CACNA2D3: variants seen among roughly 807,000 people sequenced by gnomAD.
CACNA2D3 encodes voltage-dependent calcium channel subunit alpha-2/delta-3.
Under a neutral mutation model 160.6 loss-of-function variants are expected in CACNA2D3, and 60 were observed. That is an observed-to-expected ratio of 0.37 (90% CI 0.30 to 0.46). The LOEUF is 0.46. Among genes scored for constraint, CACNA2D3 ranks in the 20% least tolerant of loss-of-function variants. The pLI is 1.00. For missense variants in CACNA2D3, 1,205 were observed against 1,365.0 expected, an observed-to-expected ratio of 0.88 and a Z score of 1.85; for synonymous variants, 558 against 492.9, an observed-to-expected ratio of 1.13 and a Z score of -1.75.
At chr3:54,795,969 G>T (rs1055088680) in intron 13 of CACNA2D3, among the ~76,000 whole-genome samples, 8 of 152,190 alleles carry the variant, frequency 5.3e-5, no homozygotes, top group Non-Finnish European at 1.0e-4. Context: ...CCCAGACTTG[G>T]GGGCTGGGGA....
chr3:54,515,115 T>G (rs1701526707), intron 5 of CACNA2D3, among the ~76,000 whole-genome samples: 1 of 150,922 alleles, frequency 6.6e-6, no homozygotes, highest in Non-Finnish European at 1.5e-5. Flanking sequence ...GTCCCAAAGG[T>G]GCCCAGCAAG....
intron 14 of CACNA2D3, among the ~76,000 whole-genome samples, chr3:54,817,360 A>T (rs989159519): frequency 3.3e-5 from 5 of 152,168 alleles, no homozygotes; most frequent in African/African-American, 1.2e-4. Context: ...AGACCATTAG[A>T]GCAGATTTCT....
At chr3:54,878,151 CA>C (rs970346285) in intron 18 of CACNA2D3, among the ~76,000 whole-genome samples, 3 of 151,950 alleles carry the variant, frequency 2.0e-5, no homozygotes, top group African/African-American at 7.3e-5. Context: ...TTCTATCGGC[CA>C]GATCTTACTC....
chr3:54,251,529 A>G lies in CACNA2D3; in HGVS notation c.205-68913A>G, dbSNP rs372748428. Among the ~76,000 whole-genome samples the G allele has an allele frequency of 1.7e-3, 254 of 152,346 alleles. 1 individual carries two copies. The highest frequency in any genetic ancestry group is 5.5e-3 in the African/African-American group (228 of 41,584). On this transcript the variant is annotated intron_variant, in intron 2 of 37. Coordinates refer to ENST00000474759, the MANE Select transcript of CACNA2D3 (RefSeq NM_018398.3). ...CTGCCACTGTTTTTTGAGGATCTGC[A>G]GACGGTGGCATTGTAGTGAGTGAGA...
chr3:54,125,316 C>T (rs529944405), intron 2 of CACNA2D3, among the ~76,000 whole-genome samples: 1 of 152,008 alleles, frequency 6.6e-6, no homozygotes, highest in East Asian at 1.9e-4. Flanking sequence ...TACTCTATAA[C>T]AGCAAATTGG....
chr3:54,774,523 T>C (rs1219276348), intron 13 of CACNA2D3, among the ~76,000 whole-genome samples: 1 of 151,966 alleles, frequency 6.6e-6, no homozygotes, highest in Non-Finnish European at 1.5e-5. Context: ...AGCAGGCCAC[T>C]TCTCCAACAC....
intron 11 of CACNA2D3, among the ~76,000 whole-genome samples, chr3:54,667,515 A>G (rs1049045181): frequency 5.9e-5 from 9 of 152,094 alleles, no homozygotes; most frequent in Non-Finnish European, 1.2e-4. Context: ...CCCTACCATC[A>G]CTCAAGCCAG....
At chr3:54,542,389 T>A (rs1225681966) in intron 5 of CACNA2D3, among the ~76,000 whole-genome samples, 1 of 152,054 alleles carries the variant, frequency 6.6e-6, no homozygotes, top group East Asian at 1.9e-4. Flanking sequence ...GAGAATTAAC[T>A]CACATAGGCA....
intron 2 of CACNA2D3, among the ~76,000 whole-genome samples, chr3:54,166,873 C>G (rs1052859396): frequency 1.4e-4 from 22 of 152,148 alleles, no homozygotes; most frequent in Non-Finnish European, 2.6e-4. Context: ...TTACATTGGA[C>G]TGATGATAGA....
At chr3:54,684,828 G>T (rs867414508) in intron 11 of CACNA2D3, among the ~76,000 whole-genome samples, 9 of 152,172 alleles carry the variant, frequency 5.9e-5, no homozygotes, top group Admixed American at 2.6e-4. Flanking sequence ...GGTCCAGCAG[G>T]TTTAGGGTTG....
chr3:54,137,873 G>A (rs1045810205), intron 2 of CACNA2D3, among the ~76,000 whole-genome samples: 3 of 152,130 alleles, frequency 2.0e-5, no homozygotes, highest in African/African-American at 4.8e-5. Context: ...TTAAAAACCC[G>A]TGCTCTAAAT....
intron 27 of CACNA2D3, among the ~76,000 whole-genome samples, chr3:54,927,491 A>G (rs1280971637): frequency 6.6e-6 from 1 of 152,212 alleles, no homozygotes; most frequent in Non-Finnish European, 1.5e-5. Context: ...AATTAGTTGC[A>G]GGAAATTAAT....
At chr3:54,587,387 T>C (rs1702780960) in intron 9 of CACNA2D3, among the ~76,000 whole-genome samples, 1 of 152,060 alleles carries the variant, frequency 6.6e-6, no homozygotes, top group Non-Finnish European at 1.5e-5. Flanking sequence ...TGAAACCCTG[T>C]CTCTACTAAA....
chr3:54,545,527 A>C (rs1478440343), intron 5 of CACNA2D3, among the ~76,000 whole-genome samples: 1 of 151,994 alleles, frequency 6.6e-6, no homozygotes, highest in Non-Finnish European at 1.5e-5. Flanking sequence ...CCCACGAAGC[A>C]CTTCTTTCTT....
intron 11 of CACNA2D3, among the ~76,000 whole-genome samples, chr3:54,661,838 ATGTGTGTATGTGTG>A (rs60071070): frequency 0.069 from 10,090 of 146,734 alleles, 585 homozygotes; most frequent in African/African-American, 0.15. Flanking sequence ...CATCTCAGGG[ATGTGTGTATGTGTG>A]TGTGTGTGTG....
chr3:54,253,517 A>C (rs1702235724), intron 2 of CACNA2D3, among the ~76,000 whole-genome samples: 1 of 152,166 alleles, frequency 6.6e-6, no homozygotes, highest in Non-Finnish European at 1.5e-5. Flanking sequence ...ACACCACCAA[A>C]GGGATGGTAC....
intron 5 of CACNA2D3, among the ~76,000 whole-genome samples, chr3:54,536,657 C>T (rs985905241): frequency 1.3e-5 from 2 of 152,184 alleles, no homozygotes; most frequent in Non-Finnish European, 2.9e-5. Flanking sequence ...AACAGACTGG[C>T]CCTGGGCCAC....
chr3:54,289,373 G>A (rs998315987), intron 2 of CACNA2D3, among the ~76,000 whole-genome samples: 1 of 152,060 alleles, frequency 6.6e-6, no homozygotes, highest in Non-Finnish European at 1.5e-5. Flanking sequence ...CCTCTTCAAG[G>A]AGAACTACAA....
chr3:54,323,014 A>C (rs1704039770), intron 3 of CACNA2D3, among the ~76,000 whole-genome samples: 1 of 152,152 alleles, frequency 6.6e-6, no homozygotes, highest in Admixed American at 6.5e-5. Context: ...ATCTTGGTTA[A>C]TTGGTCCAGT....
Sources: allele counts gnomAD v4.1 joint callset (sites outside exome capture counted in the v4.1 genomes callset), GRCh38; gene constraint gnomAD v4.1.1; transcripts MANE v1.5; gene names NCBI Gene and HGNC (gene_info 2026-07-23, HGNC 2026-07-21).